NKAIN3: variants seen among roughly 807,000 people sequenced by gnomAD.
NKAIN3 encodes sodium/potassium transporting ATPase interacting 3.
Under a neutral mutation model 30.2 loss-of-function variants are expected in NKAIN3, and 25 were observed. The ratio of observed to expected loss-of-function variants is 0.83; its 90% CI spans 0.60 to 1.16. The LOEUF is 1.16. NKAIN3 is among the 50% of genes most tolerant of loss of function. The pLI, the probability that NKAIN3 is intolerant of heterozygous loss-of-function variation, is 0.00. For missense variants in NKAIN3, 225 were observed against 254.1 expected (o/e 0.89, Z 0.78); for synonymous variants, 91 against 89.6 (o/e 1.02, Z -0.09).
At chr8:62,289,932 T>G (rs1031420767) in intron 1 of NKAIN3, among the ~76,000 whole-genome samples, 4 of 152,326 alleles carry the variant, frequency 2.6e-5, no homozygotes, top group Admixed American at 2.0e-4. Flanking sequence ...CAGTGGTTTA[T>G]AGTTCCCCTT....
At chr8:62,622,110 C>T (rs1370748669) in intron 3 of NKAIN3, among the ~76,000 whole-genome samples, 2 of 152,000 alleles carry the variant, frequency 1.3e-5, no homozygotes, top group East Asian at 3.9e-4. Context: ...ATTCTTCTTA[C>T]ATGTATCAGT....
chr8:62,274,632 A>T (rs1336020627), intron 1 of NKAIN3, among the ~76,000 whole-genome samples: 1 of 152,014 alleles, frequency 6.6e-6, no homozygotes, highest in Non-Finnish European at 1.5e-5. Flanking sequence ...TTTAGGGTAC[A>T]TGTGCACAAT....
intron 4 of NKAIN3, among the ~76,000 whole-genome samples, chr8:62,750,619 C>T (rs1433755313): frequency 6.6e-6 from 1 of 152,038 alleles, no homozygotes; most frequent in Admixed American, 6.6e-5. Context: ...GCATCCTCCC[C>T]CGGCTCTCAG....
At position 62,975,568 on chromosome 8, in the gene NKAIN3, G is replaced by T. The variant is rs1823923237; in HGVS notation, c.*10161G>T. 6.6e-6 allele frequency among the ~76,000 whole-genome samples: 1 copy of T among 151,632 alleles called. No homozygotes were observed. The highest frequency in any genetic ancestry group is 1.5e-5 in the Non-Finnish European group (1 of 67,878). On this transcript the variant is annotated 3_prime_UTR_variant, in exon 7 of 7. Coordinates refer to ENST00000623646, the MANE Select transcript of NKAIN3 (RefSeq NM_001304533.3). Reference sequence around the variant, plus strand: ...TTCTTCCCTCTTTTCTTCTTTATTAGCCTGGCTAGCCATCTAAGTATTTTG... The same window carrying T: ...TTCTTCCCTCTTTTCTTCTTTATTATCCTGGCTAGCCATCTAAGTATTTTG...
chr8:62,900,952 C>CA (rs1378837491), intron 4 of NKAIN3, among the ~76,000 whole-genome samples: 1 of 152,108 alleles, frequency 6.6e-6, no homozygotes, highest in Non-Finnish European at 1.5e-5. Context: ...ACGCTGTTGG[C>CA]AAGAGTGGCC....
Position 62,599,469 on chromosome 8 carries a change from G to T in NKAIN3, c.273+9675G>T, listed in dbSNP as rs147050475. On this transcript the variant is annotated intron_variant, in intron 3 of 6. Transcript: ENST00000623646. ...GTGGAAAGAATTAAATAATACCTAT[G>T]CAGGGCTTAGAAATGATCTTGGCAT... 4.5e-3 allele frequency among the ~76,000 whole-genome samples: 690 copies of T among 152,152 alleles called. 4 individuals carry two copies. The highest frequency in any genetic ancestry group is 0.016 in the African/African-American group (653 of 41,542).
chr8:62,493,518 G>A (rs928289873), intron 1 of NKAIN3, among the ~76,000 whole-genome samples: 2 of 151,980 alleles, frequency 1.3e-5, no homozygotes, highest in African/African-American at 4.8e-5. Context: ...CTTTCTTTTG[G>A]TTCCATATGA....
At chr8:62,551,051 G>T (rs1481177362) in intron 1 of NKAIN3, among the ~76,000 whole-genome samples, 1 of 152,118 alleles carries the variant, frequency 6.6e-6, no homozygotes, top group Non-Finnish European at 1.5e-5. Flanking sequence ...TCACACTTAG[G>T]CCTTGAAGCA....
At chr8:62,363,187 A>G (rs571408668) in intron 1 of NKAIN3, among the ~76,000 whole-genome samples, 6 of 152,346 alleles carry the variant, frequency 3.9e-5, no homozygotes, top group South Asian at 2.1e-4. Context: ...TGCAGTCAAT[A>G]GAAGTTTCCT....
chr8:62,320,224 G>C (rs903917092), intron 1 of NKAIN3, among the ~76,000 whole-genome samples: 3 of 152,092 alleles, frequency 2.0e-5, no homozygotes, highest in Non-Finnish European at 4.4e-5. Flanking sequence ...GCCTACGTGT[G>C]TCTCTGCATG....
intron 1 of NKAIN3, among the ~76,000 whole-genome samples, chr8:62,256,293 A>G (rs765293677): frequency 2.0e-5 from 3 of 151,976 alleles, no homozygotes; most frequent in Non-Finnish European, 4.4e-5. Context: ...TAAGATGAAT[A>G]CTTGTAGTCC....
intron 1 of NKAIN3, among the ~76,000 whole-genome samples, chr8:62,465,460 C>A (rs1806134120): frequency 6.6e-6 from 1 of 152,200 alleles, no homozygotes; most frequent in African/African-American, 2.4e-5. Context: ...TAAATGCCTA[C>A]TATTTTAAAG....
intron 3 of NKAIN3, among the ~76,000 whole-genome samples, chr8:62,643,749 G>A (rs1002128405): frequency 7.2e-5 from 11 of 152,074 alleles, no homozygotes; most frequent in African/African-American, 9.7e-5. Context: ...CATTCCGAAC[G>A]TTACTAAGCA....
chr8:62,303,499 T>A (rs1814124586), intron 1 of NKAIN3, among the ~76,000 whole-genome samples: 1 of 150,658 alleles, frequency 6.6e-6, no homozygotes, highest in African/African-American at 2.5e-5. Context: ...AAATGAAGAC[T>A]CCTTTTGGAA....
intron 1 of NKAIN3, among the ~76,000 whole-genome samples, chr8:62,567,396 G>A (rs1325620980): frequency 6.6e-6 from 1 of 152,140 alleles, no homozygotes; most frequent in African/African-American, 2.4e-5. Flanking sequence ...GGTGTGGTAG[G>A]CAGAATATTG....
chr8:62,782,883 A>C (rs1462667661), intron 4 of NKAIN3, among the ~76,000 whole-genome samples: 1 of 151,598 alleles, frequency 6.6e-6, no homozygotes, highest in Non-Finnish European at 1.5e-5. Context: ...TTGTTAGCAG[A>C]CTAAGGTGAC....
At chr8:62,799,220 T>C (rs1033469175) in intron 4 of NKAIN3, among the ~76,000 whole-genome samples, 2 of 152,162 alleles carry the variant, frequency 1.3e-5, no homozygotes, top group African/African-American at 4.8e-5. Context: ...TGGAGCATAT[T>C]TCCTACTTAA....
chr8:62,981,326 T>C lies in NKAIN3; in HGVS notation c.*15919T>C, dbSNP rs565539713. On this transcript the variant is annotated 3_prime_UTR_variant, in exon 7 of 7. Coordinates refer to ENST00000623646, the MANE Select transcript of NKAIN3 (RefSeq NM_001304533.3). ...TTCTACCAGAAGGCCAGAGTATTAA[T>C]AGCACCCGTGATAACTGTAATAAGA... The C allele has an allele frequency of 6.6e-6, 1 of 152,308 alleles. No individual in the cohort carries two copies. The highest frequency in any genetic ancestry group is 2.4e-5 in the African/African-American group (1 of 41,562). The allele number at this position is 152,308 out of a possible 1,614,324, so 9.4% of individuals were successfully genotyped here.
chr8:62,431,537 G>A (rs933013122), intron 1 of NKAIN3, among the ~76,000 whole-genome samples: 2 of 151,810 alleles, frequency 1.3e-5, no homozygotes, highest in Non-Finnish European at 2.9e-5. Context: ...GTGGAAATGG[G>A]AATGATGTGG....
Sources: allele counts gnomAD v4.1 joint callset (sites outside exome capture counted in the v4.1 genomes callset), GRCh38; gene constraint gnomAD v4.1.1; transcripts MANE v1.5; gene names NCBI Gene and HGNC (gene_info 2026-07-23, HGNC 2026-07-21).